The following PFAS variants were observed in gnomAD, a reference collection of about 807,000 sequenced individuals.
PFAS encodes the protein FGAM synthase.
In PFAS, 97 loss-of-function variants were observed where a neutral mutation model predicts 140.6. The ratio of observed to expected loss-of-function variants is 0.69; its 90% CI spans 0.59 to 0.82. PFAS has a LOEUF of 0.82. Ranked by LOEUF, PFAS falls within the 40% of genes least tolerant of loss-of-function variation. The pLI, the probability that PFAS is intolerant of heterozygous loss-of-function variation, is 0.00. For synonymous variants in PFAS, 679 were observed against 718.8 expected, an observed-to-expected ratio of 0.94 and a Z score of 0.88; for missense variants, 1,656 against 1,780.2, an observed-to-expected ratio of 0.93 and a Z score of 1.26.
intron 11 of PFAS, among the ~76,000 whole-genome samples, chr17:8,261,484 C>G (rs868556597): frequency 1.3e-4 from 20 of 152,264 alleles, no homozygotes; most frequent in African/African-American, 4.6e-4. Context: ...GGTAATCCAC[C>G]CGCCTCAGCC....
chr17:8,252,972 C>G (rs963094012), intron 1 of PFAS, among the ~76,000 whole-genome samples: 1 of 152,174 alleles, frequency 6.6e-6, no homozygotes, highest in African/African-American at 2.4e-5. Context: ...AGATTAGTAG[C>G]TCATTCTTGA....
At chr17:8,253,237 A>G (rs1205824116) in intron 1 of PFAS, among the ~76,000 whole-genome samples, 1 of 152,026 alleles carries the variant, frequency 6.6e-6, no homozygotes, top group African/African-American at 2.4e-5. Context: ...TAAAATATAA[A>G]CCCTGTGAGA....
rs772440665 is a variant in PFAS, at chr17:8,266,045, G to A, written c.2701+28G>A. The stretch of plus-strand genomic sequence containing the variant: ...GAGTGAAGACCCCTGGGGAGATAGC[G>A]CACAGGGTGCCAGGCGTGCAGCAGG... On this transcript the variant is annotated intron_variant, in intron 21 of 27. Coordinates refer to ENST00000314666, the MANE Select transcript of PFAS (RefSeq NM_012393.3). The surrounding 1 kb of genome is among the most constrained non-coding windows in gnomAD (Gnocchi z 5.0). 7.0e-6 allele frequency: 11 copies of A among 1,575,144 alleles called. No homozygotes were observed. Among genetic ancestry groups the A allele is most frequent in the Middle Eastern group, 1.7e-4 (1 of 5,784 alleles).
chr17:8,269,164 A>G lies in PFAS; in HGVS notation c.3917A>G (p.Gln1306Arg). 1 of 1,613,762 alleles carries G rather than the reference A, an allele frequency of 6.2e-7. No individual in the cohort carries two copies. Among genetic ancestry groups the G allele is most frequent in the East Asian group, 2.2e-5 (1 of 44,870 alleles). ...PHPERAVRPWQWAWRPPPFDT... is the reference protein window; with the variant it reads ...PHPERAVRPWRWAWRPPPFDT... ...CCTGAGCGGGCCGTTAGGCCTTGGC[A>G]GTGGGCATGGCGACCCCCTCCATTT... is the stretch of plus-strand genomic sequence containing the variant. The change falls in exon 28 of 28, where the codon CAG (glutamine) becomes CGG (arginine). Residue 1306 changes from glutamine to arginine, a missense_variant. Physicochemically the swap from Gln to Arg is conservative, Grantham distance 43. Around this residue, in one of 2 missense-constraint regions of PFAS, gnomAD observed 883 missense variants for 1,023.0 expected, o/e 0.86. Coordinates refer to ENST00000314666, the MANE Select transcript of PFAS (RefSeq NM_012393.3).
intron 11 of PFAS, among the ~76,000 whole-genome samples, chr17:8,261,891 G>A (rs1989609000): frequency 6.6e-6 from 1 of 151,976 alleles, no homozygotes; most frequent in Non-Finnish European, 1.5e-5. Context: ...GAGTATGGGT[G>A]AGTTCTCCCA....
Position 8,253,388 on chromosome 17 carries a change from C to T in PFAS, c.-79-471C>T, listed in dbSNP as rs896912582. Among the ~76,000 whole-genome samples, 8 of 152,112 alleles carry T rather than the reference C, an allele frequency of 5.3e-5. No individual in the cohort carries two copies. The East Asian group carries it at 5.8e-4, about 11-fold the overall frequency. ...CCACATTAATAAAGACCACATTTTG[C>T]AAGATTCCTTAAAATCTCCAAGGTT... On this transcript the variant is annotated intron_variant, in intron 1 of 27. Transcript: ENST00000314666.
chr17:8,248,070 G>A (rs756338489), upstream of PFAS: 16 of 1,527,840 alleles, frequency 1.0e-5, no homozygotes, highest in Non-Finnish European at 1.4e-5. Context: ...GGAGGGGCAG[G>A]TGCTCGCTTG....
At chr17:8,260,923 C>A (rs912455247) in intron 11 of PFAS, among the ~76,000 whole-genome samples, 14 of 152,008 alleles carry the variant, frequency 9.2e-5, no homozygotes, top group African/African-American at 3.1e-4. Context: ...CGCGCCCGGC[C>A]TATGTACAAG....
In PFAS at chr17:8,265,901, G is replaced by A. The variant is rs1160308219; in HGVS notation, c.2585G>A (p.Arg862Gln). 3.7e-6 allele frequency: 6 copies of A among 1,612,246 alleles called. No homozygotes were observed. The highest frequency in any genetic ancestry group is 2.2e-5 in the East Asian group (1 of 44,868). ...GTGGCTCTGAGCCCTGGGCAGCACC[G>A]GCTCGGGGGCACAGCTCTGGCCCAG... ...LYVALSPGQH[R>Q]LGGTALAQCF... is the part of the protein sequence containing the mutation. The change falls in exon 21 of 28, where the codon CGG (arginine) becomes CAG (glutamine). Residue 862 changes from arginine (R) to glutamine (Q), a missense_variant. Arg to Gln is a conservative substitution (Grantham distance 43). Coordinates refer to ENST00000314666, the MANE Select transcript of PFAS (RefSeq NM_012393.3).
At position 8,268,729 on chromosome 17, in the gene PFAS, G is replaced by A; in HGVS notation, c.3579G>A (p.Leu1193=). The change falls in exon 27 of 28, where the codon CTG becomes CTA. Residue 1193 remains leucine, a synonymous_variant. Transcript: ENST00000314666. ...PDSQPARPGL[L]LRHNLSGRYE... ...CCCAGCCAGCCCGGCCAGGCCTTCT[G>A]CTACGCCACAACCTGTCTGGGCGCT... The A allele has an allele frequency of 6.2e-7, 1 of 1,613,174 alleles. No homozygotes were observed.
In PFAS at chr17:8,264,254, G is replaced by A; in HGVS notation, c.1834G>A (p.Gly612Ser). 3 of 1,614,044 alleles carry A rather than the reference G, an allele frequency of 1.9e-6. No individual in the cohort carries two copies. Among genetic ancestry groups the A allele is most frequent in the Non-Finnish European group, 2.5e-6 (3 of 1,179,966 alleles). The part of the protein sequence containing the change: ...DDRECPVRRN[G>S]QGDAPPTPLP... ...TCGGGAGTGTCCTGTCAGAAGAAATGGCCAGGGGGATGCCCCCCCGACACC... is the reference window on the plus strand; with the variant it reads ...TCGGGAGTGTCCTGTCAGAAGAAATAGCCAGGGGGATGCCCCCCCGACACC... Residue 612 changes from glycine (G) to serine (S), a missense_variant, in exon 16 of 28, where the codon GGC becomes AGC. Physicochemically the swap from Gly to Ser is moderately conservative, Grantham distance 56. Around this residue, in one of 2 missense-constraint regions of PFAS, gnomAD observed 883 missense variants for 1,023.0 expected, o/e 0.86. Coordinates refer to ENST00000314666, the MANE Select transcript of PFAS (RefSeq NM_012393.3).
Position 8,263,181 on chromosome 17 carries a change from A to G in PFAS, c.1483A>G (p.Met495Val). The G allele has an allele frequency of 6.2e-7, 1 of 1,614,036 alleles. No homozygotes were observed. The highest frequency in any genetic ancestry group is 8.5e-7 in the Non-Finnish European group (1 of 1,179,922). The change falls in exon 13 of 28, where the codon ATG (methionine) becomes GTG (valine). Residue 495 changes from methionine (M) to valine (V), a missense_variant. By Grantham distance (21) the Met-to-Val change is conservative. Transcript: ENST00000314666. ...QRGDPEMEQK[M>V]NRVIRACVEA... Reference sequence around the variant, plus strand: ...AGGAGACCCGGAGATGGAACAGAAGATGAACCGTGTGATCAGGGCTTGTGT... The same window carrying G: ...AGGAGACCCGGAGATGGAACAGAAGGTGAACCGTGTGATCAGGGCTTGTGT...
rs1412853181 is a variant in PFAS, at chr17:8,264,944, C to G, written c.2099C>G (p.Pro700Arg). 2 of 1,608,970 alleles carry G rather than the reference C, an allele frequency of 1.2e-6. No homozygotes were observed. Among genetic ancestry groups the G allele is most frequent in the Non-Finnish European group, 1.7e-6 (2 of 1,177,096 alleles). The change falls in exon 18 of 28, where the codon CCC (proline) becomes CGC (arginine). Residue 700 changes from proline to arginine, a missense_variant. Physicochemically the swap from Pro to Arg is moderately radical, Grantham distance 103 (BLOSUM62 -2). Transcript: ENST00000314666. ...GLVAQQQCVGPLQTPLADVAV... is the reference protein window; with the variant it reads ...GLVAQQQCVGRLQTPLADVAV... ...GTGGCCCAGCAGCAGTGCGTGGGGCCCCTGCAAACTCCTCTGGCAGATGTA... is the reference window on the plus strand; with the variant it reads ...GTGGCCCAGCAGCAGTGCGTGGGGCGCCTGCAAACTCCTCTGGCAGATGTA...
rs1398232610 is a variant in PFAS at position 8,265,618 on chromosome 17, C to T, written c.2524C>T (p.Leu842Phe). 1 of 1,613,938 alleles carries T rather than the reference C, an allele frequency of 6.2e-7. No homozygotes were observed. Among genetic ancestry groups the T allele is most frequent in the South Asian group, 1.1e-5 (1 of 91,086 alleles). ...CATCACAGCCACTGTGACCCCAGACCTCAAGCATCCTGAAGGGAGAGGTAT... is the reference window on the plus strand; with the variant it reads ...CATCACAGCCACTGTGACCCCAGACTTCAAGCATCCTGAAGGGAGAGGTAT... ...PDITATVTPD[L>F]KHPEGRGHLL... The change falls in exon 20 of 28, where the codon CTC (leucine) becomes TTC (phenylalanine). Residue 842 changes from leucine to phenylalanine, a missense_variant. This residue lies in a region of PFAS where 883 missense variants were observed against 1,023.0 expected (regional missense o/e 0.86). Coordinates refer to ENST00000314666, the MANE Select transcript of PFAS (RefSeq NM_012393.3).
chr17:8,258,026 A>G (rs1597420308), intron 10 of PFAS, 45 bp from the exon 11 acceptor site: 7 of 1,613,314 alleles, frequency 4.3e-6, no homozygotes, highest in Non-Finnish European at 5.9e-6. Flanking sequence ...TTGGGCGAGC[A>G]CTGGGGGAAC....
At chr17:8,253,176 C>T (rs1989225664) in intron 1 of PFAS, among the ~76,000 whole-genome samples, 1 of 152,178 alleles carries the variant, frequency 6.6e-6, no homozygotes, top group African/African-American at 2.4e-5. Context: ...GTCCCCTGAC[C>T]TTCACCACAC....
In PFAS at chr17:8,256,253, A is replaced by G. The variant is rs1171909917; in HGVS notation, c.681-14A>G. The G allele has an allele frequency of 2.5e-6, 4 of 1,612,608 alleles. No homozygotes were observed. The highest frequency in any genetic ancestry group is 2.7e-5 in the African/African-American group (2 of 74,876). On this transcript the variant is annotated splice_polypyrimidine_tract_variant and intron_variant, in intron 6 of 27. Coordinates refer to ENST00000314666, the MANE Select transcript of PFAS (RefSeq NM_012393.3). The stretch of plus-strand genomic sequence containing the variant: ...TTTCCACCTGCCTTCCCCTCCCTGC[A>G]TCGCCCCCTGCAGCGAGCACAGCCG...
At chr17:8,247,761 C>G (rs1988878780), upstream of PFAS, 1 of 517,812 alleles carries the variant, frequency 1.9e-6, no homozygotes, top group South Asian at 2.4e-5. Context: ...GGTTTCCCAC[C>G]AGGATTAAAC....
Position 8,265,844 on chromosome 17 carries a change from C to A in PFAS, c.2546-18C>A. ...TCCTGAGCTGTTCCCCTCCCCTCAC[C>A]CCTCCCCGTCTCCCCAGGCCATCTG... On this transcript the variant is annotated intron_variant, in intron 20 of 27. Transcript: ENST00000314666. 6.3e-7 allele frequency: 1 copy of A among 1,585,558 alleles called. No individual in the cohort carries two copies. The highest frequency in any genetic ancestry group is 1.2e-5 in the South Asian group (1 of 86,572).
Sources: gnomAD v4.1 joint callset for allele counts (sites outside exome capture counted in the v4.1 genomes callset) on GRCh38, gnomAD v4.1.1 for gene constraint, gnomAD v4.1.1 regional missense constraint, Gnocchi (gnomAD v3.1) non-coding constraint, MANE v1.5 for transcripts, NCBI Gene and HGNC (gene_info 2026-07-23, HGNC 2026-07-21) for gene names.